SLC33A1: variants seen among roughly 807,000 people sequenced by gnomAD.
SLC33A1 encodes acetyl-coenzyme A transporter 1.
Under a neutral mutation model 50.0 loss-of-function variants are expected in SLC33A1, and 20 were observed. The observed-to-expected ratio is 0.40, with a 90% CI of 0.28 to 0.58. The LOEUF (loss-of-function observed/expected upper bound fraction) is 0.58, where lower values mean the gene tolerates loss of function less well. SLC33A1 is among the 20% of genes least tolerant of loss of function. The pLI is 0.44. For synonymous variants in SLC33A1, 265 were observed against 251.8 expected (o/e 1.05, Z -0.50); for missense variants, 476 against 657.0 (o/e 0.72, Z 3.01).
chr3:155,828,021 T>C lies in SLC33A1; in HGVS notation c.*189A>G. On this transcript the variant is annotated 3_prime_UTR_variant, in exon 6 of 6. Transcript: ENST00000643144. ...TGACCTTAAGTAAACTTTAAATACA[T>C]TGACAAGGCAAAAAAAAAATATGAT... 1.8e-6 allele frequency: 1 copy of C among 544,680 alleles called. No homozygotes were observed. The allele number at this position is 544,680 out of a possible 1,614,324, so 33.7% of individuals were successfully genotyped here. A position where few individuals can be genotyped will look rare whatever the true frequency, so the allele number is the denominator to read the frequency against.
rs1444597858 is a variant in SLC33A1 at position 155,824,559 on chromosome 3, A to G, written c.*3651T>C. On this transcript the variant is annotated 3_prime_UTR_variant, in exon 6 of 6. Transcript: ENST00000643144. ...TAATTCCTTCAAAGTTTCAAGTTCA[A>G]TACAGTATAACATATGCAGAGATTT... The G allele has an allele frequency of 6.6e-6, 1 of 152,142 alleles. No individual in the cohort carries two copies. Among genetic ancestry groups the G allele is most frequent in the Non-Finnish European group, 1.5e-5 (1 of 68,028 alleles). 9.4% of individuals were successfully genotyped at this position (152,142 alleles called of 1,614,324 possible). A position where few individuals can be genotyped will look rare whatever the true frequency, so the allele number is the denominator to read the frequency against.
At chr3:155,834,882 C>T (rs949848910) in intron 2 of SLC33A1, among the ~76,000 whole-genome samples, 4 of 152,086 alleles carry the variant, frequency 2.6e-5, no homozygotes, top group Non-Finnish European at 5.9e-5. Context: ...GCCCATTCTA[C>T]AGCATAATTG....
intron 1 of SLC33A1, chr3:155,844,854 T>C (rs1487082810): frequency 6.6e-6 from 1 of 152,182 alleles, no homozygotes; most frequent in Non-Finnish European, 1.5e-5. Context: ...ATTATCCTTA[T>C]AAGTGAGGCT....
rs137895715 is a variant in SLC33A1 at position 155,845,026 on chromosome 3, T to C, written c.776-2407A>G. The C allele has an allele frequency of 2.6e-5, 4 of 152,308 alleles. No homozygotes were observed. The South Asian group carries it at 6.2e-4, about 24-fold the overall frequency. 9.4% of individuals were successfully genotyped at this position (152,308 alleles called of 1,614,324 possible). ...AGTTTCACGTACAATACTATTCTCA[T>C]TGAGCAGGGTTTTGGTCATCATCTG... On this transcript the variant is annotated intron_variant, in intron 1 of 5. Transcript: ENST00000643144.
rs1254260280 is a variant in SLC33A1, at chr3:155,827,408, T to C, written c.*802A>G. 1 of 152,124 alleles carries C rather than the reference T, an allele frequency of 6.6e-6. No homozygotes were observed. The highest frequency in any genetic ancestry group is 1.5e-5 in the Non-Finnish European group (1 of 68,012). 9.4% of individuals were successfully genotyped at this position (152,124 alleles called of 1,614,324 possible). On this transcript the variant is annotated 3_prime_UTR_variant, in exon 6 of 6. Transcript: ENST00000643144. ...CAACACTGAATTTGATCCCCTCCATTGGCTGTCTGTGTGCCAGGAAGCACT... is the reference window on the plus strand; with the variant it reads ...CAACACTGAATTTGATCCCCTCCATCGGCTGTCTGTGTGCCAGGAAGCACT...
intron 1 of SLC33A1, among the ~76,000 whole-genome samples, chr3:155,843,164 A>T (rs1752997214): frequency 6.6e-6 from 1 of 152,298 alleles, no homozygotes; most frequent in African/African-American, 2.4e-5. Context: ...GTGAGACATT[A>T]CATTTAGTGT....
rs1753535250 is a variant in SLC33A1, at chr3:155,854,213, A to C, written c.-216T>G. ...CTAGAGGCCCAGAGGATGCCTGGAT[A>C]GGTGCCCCCTGGAACGGCGTCAAAG... On this transcript the variant is annotated 5_prime_UTR_variant, in exon 1 of 6. Coordinates refer to ENST00000643144, the MANE Select transcript of SLC33A1 (RefSeq NM_004733.4). 2.4e-6 allele frequency: 1 copy of C among 425,120 alleles called. No individual in the cohort carries two copies. Among genetic ancestry groups the C allele is most frequent in the African/African-American group, 2.0e-5 (1 of 49,908 alleles). 26.3% of individuals were successfully genotyped at this position (425,120 alleles called of 1,614,324 possible).
At chr3:155,844,534 CA>C (rs1753088221) in intron 1 of SLC33A1, among the ~76,000 whole-genome samples, 1 of 126,674 alleles carries the variant, frequency 7.9e-6, no homozygotes, top group African/African-American at 2.9e-5. Flanking sequence ...GGTGCAATCT[CA>C]GCTTACTGCA....
At chr3:155,845,136 A>G (rs1399168164) in intron 1 of SLC33A1, 1 of 152,212 alleles carries the variant, frequency 6.6e-6, no homozygotes, top group African/African-American at 2.4e-5. Flanking sequence ...GCGAAAAGTA[A>G]AAGTTTTCCA....
At chr3:155,837,400 T>A (rs868272975) in intron 2 of SLC33A1, among the ~76,000 whole-genome samples, 113 of 149,804 alleles carry the variant, frequency 7.5e-4, no homozygotes, top group African/African-American at 2.5e-3. Flanking sequence ...TTTTCAAGGA[T>A]GTGAAACTCC....
rs549583900 is a variant in SLC33A1, at chr3:155,840,021, T to G, written c.963+2411A>C. Among the ~76,000 whole-genome samples the G allele has an allele frequency of 2.1e-3, 322 of 151,634 alleles. 1 individual carries two copies. The highest frequency in any genetic ancestry group is 7.4e-3 in the African/African-American group (304 of 41,360). ...ATACACACATACATGCACACACACA[T>G]ATATAGGGAAAAAAGGGAGTTTCAA... On this transcript the variant is annotated intron_variant, in intron 2 of 5. Transcript: ENST00000643144.
In SLC33A1 at chr3:155,827,436, T is replaced by C. The variant is rs1376690575; in HGVS notation, c.*774A>G. 1 of 152,160 alleles carries C rather than the reference T, an allele frequency of 6.6e-6. No homozygotes were observed. The highest frequency in any genetic ancestry group is 2.4e-5 in the African/African-American group (1 of 41,440). 9.4% of individuals were successfully genotyped at this position (152,160 alleles called of 1,614,324 possible). A position where few individuals can be genotyped will look rare whatever the true frequency, so the allele number is the denominator to read the frequency against. ...CTGTCTGTGTGCCAGGAAGCACTTG[T>C]GACAGAAAACATATATAAGCTTAGG... On this transcript the variant is annotated 3_prime_UTR_variant, in exon 6 of 6. Transcript: ENST00000643144.
chr3:155,847,545 G>A (rs1753220102), intron 1 of SLC33A1, among the ~76,000 whole-genome samples: 1 of 152,014 alleles, frequency 6.6e-6, no homozygotes, highest in South Asian at 2.1e-4. Context: ...AGGAGTTCGA[G>A]ACCAGCCTGA....
chr3:155,827,941 A>G lies in SLC33A1; in HGVS notation c.*269T>C. The G allele has an allele frequency of 2.7e-6, 1 of 367,388 alleles. No individual in the cohort carries two copies. The highest frequency in any genetic ancestry group is 3.0e-5 in the South Asian group (1 of 33,458). The allele number at this position is 367,388 out of a possible 1,614,324, so 22.8% of individuals were successfully genotyped here. ...AGCTTAAAACATGCTTTGGTCAGTA[A>G]ATTTAAAAGATATACATCAAATAAC... On this transcript the variant is annotated 3_prime_UTR_variant, in exon 6 of 6. Coordinates refer to ENST00000643144, the MANE Select transcript of SLC33A1 (RefSeq NM_004733.4).
Position 155,854,179 on chromosome 3 carries a change from GTCCT to G in SLC33A1, c.-186_-183del. 1 of 506,576 alleles carries G rather than the reference GTCCT, an allele frequency of 2.0e-6. No individual in the cohort carries two copies. Among genetic ancestry groups the G allele is most frequent in the Non-Finnish European group, 3.4e-6 (1 of 291,980 alleles). 31.4% of individuals were successfully genotyped at this position (506,576 alleles called of 1,614,324 possible). The stretch of plus-strand genomic sequence containing the variant: ...CCCGGAGTGCTGAAGCCGGGAGCCA[GTCCT>G]CTGGCTAGAGGCCCAGAGGATGCCT... On this transcript the variant is annotated 5_prime_UTR_variant, in exon 1 of 6. Coordinates refer to ENST00000643144, the MANE Select transcript of SLC33A1 (RefSeq NM_004733.4).
rs1752150481 is a variant in SLC33A1 at position 155,824,100 on chromosome 3, A to G, written c.*4110T>C. On this transcript the variant is annotated 3_prime_UTR_variant, in exon 6 of 6. Transcript: ENST00000643144. ...ACATTGGTTAAAAAAAAGTCTCAGCAGTTACAATGTACAGTATCACCTTCC... is the reference window on the plus strand; with the variant it reads ...ACATTGGTTAAAAAAAAGTCTCAGCGGTTACAATGTACAGTATCACCTTCC... 6.6e-6 allele frequency: 1 copy of G among 152,128 alleles called. No individual in the cohort carries two copies. Among genetic ancestry groups the G allele is most frequent in the South Asian group, 2.1e-4 (1 of 4,826 alleles). 9.4% of individuals were successfully genotyped at this position (152,128 alleles called of 1,614,324 possible).
rs2109298801 is a variant in SLC33A1 at position 155,825,853 on chromosome 3, T to G, written c.*2357A>C. 1 of 152,306 alleles carries G rather than the reference T, an allele frequency of 6.6e-6. No homozygotes were observed. The highest frequency in any genetic ancestry group is 1.9e-4 in the East Asian group (1 of 5,192). The allele number at this position is 152,306 out of a possible 1,614,324, so 9.4% of individuals were successfully genotyped here. ...GGTGGTATATTTTAGTACTACTGAT[T>G]TATAATAAACAGATCCTCAGATTTA... is the stretch of plus-strand genomic sequence containing the variant. On this transcript the variant is annotated 3_prime_UTR_variant, in exon 6 of 6. Transcript: ENST00000643144.
At chr3:155,834,148 C>G in intron 2 of SLC33A1, 107 bp from the exon 3 acceptor site, 2 of 786,188 alleles carry the variant, frequency 2.5e-6, no homozygotes, top group Non-Finnish European at 4.3e-6. Context: ...TGACCCATGA[C>G]AGTTACAAGT....
chr3:155,845,405 C>A (rs1303505473), intron 1 of SLC33A1, among the ~76,000 whole-genome samples: 1 of 152,154 alleles, frequency 6.6e-6, no homozygotes, highest in African/African-American at 2.4e-5. Context: ...TGGCTCACTG[C>A]AGCCTTGACC....
Sources: gnomAD v4.1 joint callset for allele counts (sites outside exome capture counted in the v4.1 genomes callset) on GRCh38, gnomAD v4.1.1 for gene constraint, MANE v1.5 for transcripts, NCBI Gene and HGNC (gene_info 2026-07-23, HGNC 2026-07-21) for gene names.